Variants in ETV3 observed in about 807,000 individuals in gnomAD.
ETV3 encodes the protein ETS variant transcription factor 3.
Under a neutral mutation model 33.0 loss-of-function variants are expected in ETV3, and 8 were observed. The ratio of observed to expected loss-of-function variants is 0.24; its 90% CI spans 0.14 to 0.44. The LOEUF is 0.44. ETV3 is among the 20% of genes least tolerant of loss of function. The probability of loss-of-function intolerance (pLI) is 1.00; values close to 1 mark genes in which losing one functional copy is unlikely to be tolerated. For missense variants in ETV3, 473 were observed against 652.3 expected (o/e 0.73, Z 2.99); for synonymous variants, 222 against 238.9 (o/e 0.93, Z 0.65).
chr1:157,136,463 GTTC>G (rs1490557581), intron 1 of ETV3, 98 bp from the exon 2 acceptor site: 1 of 1,106,388 alleles, frequency 9.0e-7, no homozygotes, highest in East Asian at 2.6e-5. Flanking sequence ...CCTTTCCCCT[GTTC>G]TTCTTTCCGT....
rs189182662 is a variant in ETV3 at position 157,133,926 on chromosome 1, T to C, written c.400+186A>G. The C allele has an allele frequency of 1.6e-5, 23 of 1,412,462 alleles. No individual in the cohort carries two copies. The Middle Eastern group carries it at 1.3e-3, about 81-fold the overall frequency. The allele number at this position is 1,412,462 out of a possible 1,614,324, so 87.5% of individuals were successfully genotyped here. A position where few individuals can be genotyped will look rare whatever the true frequency, so the allele number is the denominator to read the frequency against. On this transcript the variant is annotated intron_variant, in intron 4 of 4. Transcript: ENST00000368192. ...AATAAACCAAAGAAATCTATCTTGA[T>C]ACTGAATAGCCTATAACTCTCCTTA...
intron 4 of ETV3, among the ~76,000 whole-genome samples, chr1:157,131,541 G>T (rs955685787): frequency 2.0e-5 from 3 of 152,180 alleles, no homozygotes; most frequent in Non-Finnish European, 4.4e-5. Context: ...ACAACCTAGA[G>T]GAGGAATGTA....
In ETV3 at chr1:157,126,705, C is replaced by T. The variant is rs555587158; in HGVS notation, c.401-726G>A. On this transcript the variant is annotated intron_variant, in intron 4 of 4. Coordinates refer to ENST00000368192, the MANE Select transcript of ETV3 (RefSeq NM_001145312.3). ...CTGACTGTAGGGAGGGGCAGAGCTG[C>T]TCTGGCTGACTGTGCGGAGGGGCAG... is the stretch of plus-strand genomic sequence containing the variant. Among the ~76,000 whole-genome samples the T allele has an allele frequency of 2.0e-5, 3 of 151,352 alleles. No individual in the cohort carries two copies. The East Asian group carries it at 5.9e-4, about 30-fold the overall frequency.
In ETV3 at chr1:157,131,549, G is replaced by A. The variant is rs1674968683; in HGVS notation, c.400+2563C>T. Among the ~76,000 whole-genome samples, 3 of 152,314 alleles carry A rather than the reference G, an allele frequency of 2.0e-5. No individual in the cohort carries two copies. In the South Asian group the frequency reaches 6.2e-4, roughly 32 times the overall value. ...ATGAATCACAACCTAGAGGAGGAAT[G>A]TATGATCTATTAAATAAGGGCTAGA... On this transcript the variant is annotated intron_variant, in intron 4 of 4. Transcript: ENST00000368192.
chr1:157,125,315 G>A lies in ETV3; in HGVS notation c.1065C>T (p.Asn355=), dbSNP rs1217532828. The A allele has an allele frequency of 1.3e-6, 2 of 1,551,972 alleles. No individual in the cohort carries two copies. Among genetic ancestry groups the A allele is most frequent in the South Asian group, 2.4e-5 (2 of 84,058 alleles). The stretch of plus-strand genomic sequence containing the variant: ...CCTCGCTGCTCTCAACCCTCTCCCG[G>A]TTCTTCCGCCCAACTGGTGGGGGCT... ...KLQPPPVGRK[N]RERVESSEES... is the part of the protein sequence containing the mutation. Residue 355 remains asparagine (N), a synonymous_variant, in exon 5 of 5, where the codon AAC becomes AAT. Coordinates refer to ENST00000368192, the MANE Select transcript of ETV3 (RefSeq NM_001145312.3). The surrounding 1 kb of genome is among the most constrained non-coding windows in gnomAD (Gnocchi z 4.0).
intron 4 of ETV3, among the ~76,000 whole-genome samples, chr1:157,129,864 G>T (rs1674928921): frequency 6.6e-6 from 1 of 151,354 alleles, no homozygotes; most frequent in African/African-American, 2.4e-5. Flanking sequence ...TTTTTTTTTG[G>T]AGACAGAATC....
rs569857548 is a variant in ETV3 at position 157,134,388 on chromosome 1, T to C, written c.285-161A>G. 5.9e-5 allele frequency among the ~76,000 whole-genome samples: 9 copies of C among 152,288 alleles called. No individual in the cohort carries two copies. In the South Asian group the frequency reaches 1.9e-3, roughly 32 times the overall value. ...GCCCTCCAGGTAGATCTAGGAGACC[T>C]AACAGCTTAATTTTCTTACTCAATT... On this transcript the variant is annotated intron_variant, in intron 3 of 4. Transcript: ENST00000368192.
In ETV3 at chr1:157,126,070, T is replaced by G. The variant is rs1273387703; in HGVS notation, c.401-91A>C. The G allele has an allele frequency of 8.7e-6, 10 of 1,155,136 alleles. No homozygotes were observed. In the East Asian group the frequency reaches 2.1e-4, roughly 24 times the overall value. The allele number at this position is 1,155,136 out of a possible 1,614,324, so 71.6% of individuals were successfully genotyped here. ...TAACTAAGTGCAAAATATTTAGTAG[T>G]AACAGGAAACAATCATTCCAACTGG... is the stretch of plus-strand genomic sequence containing the variant. On this transcript the variant is annotated intron_variant, in intron 4 of 4. Coordinates refer to ENST00000368192, the MANE Select transcript of ETV3 (RefSeq NM_001145312.3).
intron 3 of ETV3, 191 bp downstream of exon 3, chr1:157,135,280 A>C (rs1029966854): frequency 2.9e-6 from 2 of 683,902 alleles, no homozygotes; most frequent in African/African-American, 3.6e-5. Context: ...ATAACCAAAG[A>C]TATGCCTTTT....
chr1:157,137,922 C>T (rs568825961), intron 1 of ETV3, among the ~76,000 whole-genome samples: 110 of 152,348 alleles, frequency 7.2e-4, no homozygotes, highest in African/African-American at 2.5e-3. Flanking sequence ...CTCGTCTCAA[C>T]TCTGCAAACC....
chr1:157,126,276 C>G (rs1054112758), intron 4 of ETV3, among the ~76,000 whole-genome samples: 20 of 152,192 alleles, frequency 1.3e-4, no homozygotes, highest in African/African-American at 4.8e-4. Flanking sequence ...CTATTGTTCA[C>G]AACTGTACAC....
chr1:157,136,331 C>T lies in ETV3; in HGVS notation c.22G>A (p.Val8Met), dbSNP rs757139556. 2 of 1,611,326 alleles carry T rather than the reference C, an allele frequency of 1.2e-6. No individual in the cohort carries two copies. Among genetic ancestry groups the T allele is most frequent in the Non-Finnish European group, 1.7e-6 (2 of 1,178,942 alleles). The change falls in exon 2 of 5, where the codon GTG (valine) becomes ATG (methionine). Residue 8 changes from valine to methionine, a missense_variant. Physicochemically the swap from Val to Met is conservative, Grantham distance 21 (BLOSUM62 1). Coordinates refer to ENST00000368192, the MANE Select transcript of ETV3 (RefSeq NM_001145312.3). ...CCTCCACCTCCTTCTGGCTTTTCCA[C>T]GATGCTACAGCCGGCTTTCATTTTC... Reference protein sequence around the residue: MKAGCSIVEKPEGGGGYQ... With the variant: MKAGCSIMEKPEGGGGYQ...
At chr1:157,128,402 A>G in intron 4 of ETV3, 1 of 265,120 alleles carries the variant, frequency 3.8e-6, no homozygotes, top group South Asian at 4.5e-5. Context: ...TGTGTTCAGA[A>G]GTGTGCCCAG....
At position 157,124,596 on chromosome 1, in the gene ETV3, T is replaced by A; in HGVS notation, c.*245A>T. ...ATAAGCCTCAACAGGAAATAGAGGC[T>A]CCTTCTCCTTTGAGTTCAATACCCT... On this transcript the variant is annotated 3_prime_UTR_variant, in exon 5 of 5. Transcript: ENST00000368192. 2.6e-6 allele frequency: 1 copy of A among 389,128 alleles called. No homozygotes were observed. The highest frequency in any genetic ancestry group is 4.6e-6 in the Non-Finnish European group (1 of 219,222). The allele number at this position is 389,128 out of a possible 1,614,324, so 24.1% of individuals were successfully genotyped here.
At position 157,135,514 on chromosome 1, in the gene ETV3, A is replaced by G. The variant is rs764608352; in HGVS notation, c.241T>C (p.Cys81Arg). Residue 81 changes from cysteine (C) to arginine (R), a missense_variant, in exon 3 of 5, where the codon TGC (cysteine) becomes CGC (arginine). Transcript: ENST00000368192. The stretch of plus-strand genomic sequence containing the variant: ...TTGTCATAATTCATCTGTGGTTTGC[A>G]TTTCCTGCGGCCCCAGAGGCGGGCC... ...EVARLWGRRK[C>R]KPQMNYDKLS... 26 of 1,613,932 alleles carry G rather than the reference A, an allele frequency of 1.6e-5. No homozygotes were observed. Among genetic ancestry groups the G allele is most frequent in the Non-Finnish European group, 1.4e-5 (17 of 1,179,924 alleles).
rs1674720151 is a variant in ETV3, at chr1:157,122,053, T to A, written c.*2788A>T. The A allele has an allele frequency of 6.6e-6, 1 of 152,236 alleles. No homozygotes were observed. The highest frequency in any genetic ancestry group is 2.4e-5 in the African/African-American group (1 of 41,456). The allele number at this position is 152,236 out of a possible 1,614,324, so 9.4% of individuals were successfully genotyped here. A position where few individuals can be genotyped will look rare whatever the true frequency, so the allele number is the denominator to read the frequency against. On this transcript the variant is annotated 3_prime_UTR_variant, in exon 5 of 5. Transcript: ENST00000368192. Reference sequence around the variant, plus strand: ...GATTAAGGAAATTTCAATAGATTCATATTTATAAAATTTTAAACATTTGGC... The same window carrying A: ...GATTAAGGAAATTTCAATAGATTCAAATTTATAAAATTTTAAACATTTGGC...
At position 157,134,097 on chromosome 1, in the gene ETV3, G is replaced by C; in HGVS notation, c.400+15C>G. On this transcript the variant is annotated intron_variant, in intron 4 of 4. Transcript: ENST00000368192. ...ATTCAAAATTAATTCCCTACCAAAA[G>C]AGTTTGTATCTTACCACTTGACCGA... The C allele has an allele frequency of 6.2e-7, 1 of 1,604,422 alleles. No homozygotes were observed. The highest frequency in any genetic ancestry group is 1.1e-5 in the South Asian group (1 of 88,172).
intron 1 of ETV3, among the ~76,000 whole-genome samples, chr1:157,137,751 G>T (rs544133490): frequency 6.6e-6 from 1 of 152,068 alleles, no homozygotes; most frequent in South Asian, 2.1e-4. Flanking sequence ...ACGACCCTGG[G>T]GTCCAAATCC....
At chr1:157,126,539 T>C (rs1044711716) in intron 4 of ETV3, among the ~76,000 whole-genome samples, 5 of 152,216 alleles carry the variant, frequency 3.3e-5, no homozygotes, top group African/African-American at 1.2e-4. Flanking sequence ...TAGAAAATAA[T>C]AACAACATAT....
Sources: gnomAD v4.1 joint callset for allele counts (sites outside exome capture counted in the v4.1 genomes callset) on GRCh38, gnomAD v4.1.1 for gene constraint, Gnocchi (gnomAD v3.1) non-coding constraint, MANE v1.5 for transcripts, NCBI Gene and HGNC (gene_info 2026-07-23, HGNC 2026-07-21) for gene names.